Variants in STK38L observed in about 807,000 individuals in gnomAD.
STK38L encodes serine/threonine-protein kinase 38-like.
A neutral mutation model predicts 59.7 loss-of-function variants in STK38L; 28 were observed. The observed-to-expected ratio is 0.47, with a 90% CI of 0.35 to 0.64. STK38L has a LOEUF of 0.64. Ranked by LOEUF, STK38L falls within the 30% of genes least tolerant of loss-of-function variation. The probability of loss-of-function intolerance (pLI) is 0.01; values close to 1 mark genes in which losing one functional copy is unlikely to be tolerated. For synonymous variants in STK38L, 162 were observed against 176.8 expected, an observed-to-expected ratio of 0.92 and a Z score of 0.66; for missense variants, 314 against 555.8, an observed-to-expected ratio of 0.56 and a Z score of 4.37.
intron 1 of STK38L, among the ~76,000 whole-genome samples, chr12:27,277,857 A>G (rs1943571318): frequency 6.6e-6 from 1 of 152,210 alleles, no homozygotes; most frequent in Admixed American, 6.5e-5. Flanking sequence ...TTTCTGACTC[A>G]GTAATTTTGG....
At position 27,322,451 on chromosome 12, in the gene STK38L, TATGA is replaced by T. The variant is rs748757736; in HGVS notation, c.*2_*5del. 1.8e-5 allele frequency: 29 copies of T among 1,612,142 alleles called. No individual in the cohort carries two copies. The South Asian group carries it at 2.7e-4, about 15-fold the overall frequency. On this transcript the variant is annotated frameshift_variant and stop_lost, in exon 14 of 14. Coordinates refer to ENST00000389032, the MANE Select transcript of STK38L (RefSeq NM_015000.4). LOFTEE classifies it high-confidence loss of function. ...CCCACCTACATGAAAGCTGGGAAGTTATGAATGAAGATAACATTCACCCATAACC... is the reference window on the plus strand; with the variant it reads ...CCCACCTACATGAAAGCTGGGAAGTTATGAAGATAACATTCACCCATAACC...
intron 1 of STK38L, among the ~76,000 whole-genome samples, chr12:27,252,940 G>T (rs1221815550): frequency 6.6e-6 from 1 of 152,194 alleles, no homozygotes; most frequent in East Asian, 1.9e-4. Context: ...GTTCAGTCCA[G>T]TAAGAGGTAT....
At chr12:27,307,063 T>C (rs544591101) in intron 3 of STK38L, among the ~76,000 whole-genome samples, 1 of 152,326 alleles carries the variant, frequency 6.6e-6, no homozygotes, top group African/African-American at 2.4e-5. Context: ...AAATAATCTT[T>C]CATTGTTGTT....
intron 1 of STK38L, among the ~76,000 whole-genome samples, chr12:27,292,648 G>T (rs748427731): frequency 6.6e-6 from 1 of 152,100 alleles, no homozygotes; most frequent in Non-Finnish European, 1.5e-5. Context: ...CAGGTACTGC[G>T]ATGCTTTCAT....
At chr12:27,300,115 A>G (rs1255628994) in intron 2 of STK38L, among the ~76,000 whole-genome samples, 1 of 152,192 alleles carries the variant, frequency 6.6e-6, no homozygotes, top group Non-Finnish European at 1.5e-5. Context: ...AAAGGAAAGT[A>G]ACAATAAAAT....
intron 1 of STK38L, among the ~76,000 whole-genome samples, chr12:27,274,515 G>A (rs766092171): frequency 3.9e-5 from 6 of 152,178 alleles, no homozygotes; most frequent in Non-Finnish European, 8.8e-5. Flanking sequence ...AATCTGGCCA[G>A]CAGGGAGTTA....
chr12:27,289,663 C>G (rs1943853366), intron 1 of STK38L, among the ~76,000 whole-genome samples: 1 of 152,132 alleles, frequency 6.6e-6, no homozygotes, highest in African/African-American at 2.4e-5. Flanking sequence ...ATGGAGAGGG[C>G]CACGCTAAAT....
At chr12:27,320,442 A>ATTTTTTTTT (rs34281958) in intron 12 of STK38L, among the ~76,000 whole-genome samples, 10 of 91,900 alleles carry the variant, frequency 1.1e-4, no homozygotes, top group African/African-American at 2.2e-4. Flanking sequence ...AATTTTGTTG[A>ATTTTTTTTT]TTTTTTTTTT....
chr12:27,302,279 G>T, intron 3 of STK38L, 91 bp downstream of exon 3: 1 of 983,090 alleles, frequency 1.0e-6, no homozygotes, highest in Non-Finnish European at 1.5e-6. Context: ...TAAATAATGT[G>T]GATTTTATCA....
chr12:27,295,969 G>A (rs1477406801), intron 1 of STK38L, among the ~76,000 whole-genome samples: 1 of 152,178 alleles, frequency 6.6e-6, no homozygotes, highest in Non-Finnish European at 1.5e-5. Flanking sequence ...TGGTGAGGAA[G>A]AGCATCAGAT....
intron 1 of STK38L, among the ~76,000 whole-genome samples, chr12:27,285,670 G>A (rs184798685): frequency 5.9e-5 from 9 of 152,102 alleles, no homozygotes; most frequent in Non-Finnish European, 1.2e-4. Context: ...TTGTTCTCTG[G>A]TCACACCAAA....
intron 1 of STK38L, among the ~76,000 whole-genome samples, chr12:27,251,432 A>G (rs538501799): frequency 6.6e-6 from 1 of 152,338 alleles, no homozygotes; most frequent in African/African-American, 2.4e-5. Context: ...ATTTTCAGGT[A>G]AAGAGAGGAA....
At chr12:27,280,542 G>T (rs1943631685) in intron 1 of STK38L, among the ~76,000 whole-genome samples, 1 of 152,172 alleles carries the variant, frequency 6.6e-6, no homozygotes, top group African/African-American at 2.4e-5. Context: ...TGGGCCTCTT[G>T]AGGCTACTTC....
At chr12:27,247,784 C>T (rs1226168409) in intron 1 of STK38L, among the ~76,000 whole-genome samples, 2 of 149,978 alleles carry the variant, frequency 1.3e-5, no homozygotes, top group East Asian at 3.9e-4. Context: ...AACTATAGGC[C>T]TGAGCCACTG....
intron 9 of STK38L, among the ~76,000 whole-genome samples, chr12:27,316,449 A>G (rs1301067147): frequency 6.6e-6 from 1 of 152,172 alleles, no homozygotes; most frequent in Non-Finnish European, 1.5e-5. Context: ...TGTGTGTTTT[A>G]TTATTCTCAT....
rs73291378 is a variant in STK38L, at chr12:27,322,519, C to T, written c.*64C>T. ...TAGCTGCATCACCAGGCTTGCTTGGCGTAGATAACAATACACTGAAATACT... is the reference window on the plus strand; with the variant it reads ...TAGCTGCATCACCAGGCTTGCTTGGTGTAGATAACAATACACTGAAATACT... On this transcript the variant is annotated 3_prime_UTR_variant, in exon 14 of 14. Transcript: ENST00000389032. 3,649 of 1,574,662 alleles carry T rather than the reference C, an allele frequency of 2.3e-3. 40 individuals carry two copies. In the African/African-American group the frequency reaches 0.028, roughly 12 times the overall value.
At chr12:27,301,584 A>G (rs1293041916) in intron 2 of STK38L, among the ~76,000 whole-genome samples, 2 of 152,188 alleles carry the variant, frequency 1.3e-5, no homozygotes, top group Non-Finnish European at 2.9e-5. Context: ...AAAAACACAC[A>G]TATATGACTT....
At chr12:27,267,575 T>C (rs956468887) in intron 1 of STK38L, among the ~76,000 whole-genome samples, 2 of 152,238 alleles carry the variant, frequency 1.3e-5, no homozygotes, top group African/African-American at 2.4e-5. Flanking sequence ...CTATTCTGCA[T>C]GTGCAGGAGT....
intron 3 of STK38L, among the ~76,000 whole-genome samples, chr12:27,303,283 G>T (rs1015755321): frequency 9.2e-5 from 14 of 152,086 alleles, no homozygotes; most frequent in Non-Finnish European, 1.6e-4. Flanking sequence ...TAGGATTGAA[G>T]TGGGAGGATC....
Sources: gnomAD v4.1 joint callset for allele counts (sites outside exome capture counted in the v4.1 genomes callset) on GRCh38, gnomAD v4.1.1 for gene constraint, MANE v1.5 for transcripts, NCBI Gene and HGNC (gene_info 2026-07-23, HGNC 2026-07-21) for gene names.